The following PCDHGB3 variants were observed in gnomAD, a reference collection of about 807,000 sequenced individuals.
PCDHGB3 encodes protocadherin gamma subfamily B, 3.
A neutral mutation model predicts 59.2 loss-of-function variants in PCDHGB3; 40 were observed. The ratio of observed to expected loss-of-function variants is 0.68; its 90% confidence interval spans 0.52 to 0.88. The LOEUF (loss-of-function observed/expected upper bound fraction) is 0.88. Ranked by LOEUF, PCDHGB3 falls within the 40% of genes least tolerant of loss-of-function variation. The pLI, the probability that PCDHGB3 is intolerant of heterozygous loss-of-function variation, is 0.00. For synonymous variants in PCDHGB3, 581 were observed against 503.6 expected, an observed-to-expected ratio of 1.15 and a Z score of -2.06; for missense variants, 1,309 against 1,187.9, an observed-to-expected ratio of 1.10 and a Z score of -1.50.
intron 1 of PCDHGB3, chr5:141,400,541 T>C: frequency 6.2e-7 from 1 of 1,613,832 alleles, no homozygotes; most frequent in Admixed American, 1.7e-5. Flanking sequence ...TTCATTTATG[T>C]CTATTCTTTT....
Position 141,477,383 on chromosome 5 carries a change from T to A in PCDHGB3, c.2416-17424T>A. 6.2e-7 allele frequency: 1 copy of A among 1,614,102 alleles called. No homozygotes were observed. Among genetic ancestry groups the A allele is most frequent in the Non-Finnish European group, 8.5e-7 (1 of 1,180,006 alleles). On this transcript the variant is annotated intron_variant, in intron 1 of 3. Transcript: ENST00000576222. This position sits in a 1 kb window ranked among gnomAD's most constrained non-coding sequence, Gnocchi z 4.9. Reference sequence around the variant, plus strand: ...CCTGGATCGGGAGACTGTGCCAGAATACAACCTCAGCATCACCGCCCGAGA... The same window carrying A: ...CCTGGATCGGGAGACTGTGCCAGAAAACAACCTCAGCATCACCGCCCGAGA...
At chr5:141,384,214 T>A in intron 1 of PCDHGB3, 1 of 1,613,874 alleles carries the variant, frequency 6.2e-7, no homozygotes, top group Non-Finnish European at 8.5e-7. Flanking sequence ...AACTCACATA[T>A]TCATGCAGGT....
rs1437533706 is a variant in PCDHGB3, at chr5:141,511,419, G to C, written c.*246G>C. On this transcript the variant is annotated 3_prime_UTR_variant, in exon 4 of 4. Transcript: ENST00000576222. ...ATCCAATCAACTGCTGTACCCATGG[G>C]GGTAGTGGGGTTACTGTAGACACCA... The C allele has an allele frequency of 2.4e-6, 2 of 830,456 alleles. No individual in the cohort carries two copies. The highest frequency in any genetic ancestry group is 5.8e-5 in the East Asian group (2 of 34,260). 51.4% of individuals were successfully genotyped at this position (830,456 alleles called of 1,614,324 possible).
intron 1 of PCDHGB3, among the ~76,000 whole-genome samples, chr5:141,470,729 G>T (rs1253040487): frequency 6.6e-6 from 1 of 152,102 alleles, no homozygotes; most frequent in Non-Finnish European, 1.5e-5. Context: ...TCAGGGTCTT[G>T]CTCTGTCGCC....
intron 1 of PCDHGB3, chr5:141,478,700 C>A: frequency 1.3e-6 from 2 of 1,549,172 alleles, no homozygotes; most frequent in Non-Finnish European, 1.7e-6. Flanking sequence ...AAAGTTAGTG[C>A]CTTTGTGAGA....
intron 1 of PCDHGB3, chr5:141,419,504 C>T (rs577411043): frequency 4.7e-5 from 75 of 1,612,298 alleles, no homozygotes; most frequent in South Asian, 2.7e-4. Flanking sequence ...TGTGAGCCTG[C>T]GCGTGTTGGT....
chr5:141,453,545 A>T (rs2098768582), intron 1 of PCDHGB3, among the ~76,000 whole-genome samples: 1 of 151,998 alleles, frequency 6.6e-6, no homozygotes, highest in African/African-American at 2.4e-5. Flanking sequence ...TTCACACCAC[A>T]CTCTGTAGAT....
Position 141,394,702 on chromosome 5 carries a change from G to A in PCDHGB3, c.2415+21893G>A, listed in dbSNP as rs1246576971. On this transcript the variant is annotated intron_variant, in intron 1 of 3. Coordinates refer to ENST00000576222, the MANE Select transcript of PCDHGB3 (RefSeq NM_018924.5). Reference sequence around the variant, plus strand: ...CACACGGGCGAGGTGCGCACGGCGCGAGCCCTGCTGGACAGAGATGCGCTC... The same window carrying A: ...CACACGGGCGAGGTGCGCACGGCGCAAGCCCTGCTGGACAGAGATGCGCTC... 1.9e-5 allele frequency: 31 copies of A among 1,613,178 alleles called. No homozygotes were observed. Among genetic ancestry groups the A allele is most frequent in the Non-Finnish European group, 2.5e-5 (29 of 1,179,882 alleles).
At chr5:141,436,104 G>A (rs368559994) in intron 1 of PCDHGB3, among the ~76,000 whole-genome samples, 10 of 152,086 alleles carry the variant, frequency 6.6e-5, no homozygotes, top group East Asian at 3.9e-4. Flanking sequence ...AGAAATAGAG[G>A]ACAATGAAAC....
chr5:141,407,371 T>C (rs2094921499), intron 1 of PCDHGB3, among the ~76,000 whole-genome samples: 1 of 152,222 alleles, frequency 6.6e-6, no homozygotes, highest in South Asian at 2.1e-4. Context: ...CAGATATCCA[T>C]GAAGGCTTGT....
At chr5:141,456,821 A>G (rs1432134342) in intron 1 of PCDHGB3, among the ~76,000 whole-genome samples, 2 of 151,744 alleles carry the variant, frequency 1.3e-5, no homozygotes, top group Admixed American at 6.6e-5. Context: ...AAAATTAGCC[A>G]TCGTGGTAGT....
chr5:141,458,367 G>A (rs1297876142), intron 1 of PCDHGB3, among the ~76,000 whole-genome samples: 2 of 152,130 alleles, frequency 1.3e-5, no homozygotes, highest in African/African-American at 2.4e-5. Context: ...AGAAGGAAGG[G>A]AGAAGAGAGA....
chr5:141,500,173 T>G (rs1666567886), intron 2 of PCDHGB3, among the ~76,000 whole-genome samples: 1 of 149,340 alleles, frequency 6.7e-6, no homozygotes, highest in East Asian at 1.9e-4. Context: ...ATGCATGAGC[T>G]TCATTTTTAT....
chr5:141,467,907 C>A (rs1166486426), intron 1 of PCDHGB3, among the ~76,000 whole-genome samples: 1 of 152,156 alleles, frequency 6.6e-6, no homozygotes, highest in Non-Finnish European at 1.5e-5. Flanking sequence ...AATCCGCCCA[C>A]CTCAGCCTCC....
At chr5:141,399,372 T>C (rs1333971188) in intron 1 of PCDHGB3, 8 of 1,613,970 alleles carry the variant, frequency 5.0e-6, no homozygotes, top group Non-Finnish European at 6.8e-6. Flanking sequence ...CGGAGTACAA[T>C]GTCACCATCA....
At chr5:141,403,144 C>A in intron 1 of PCDHGB3, 10 of 1,614,042 alleles carry the variant, frequency 6.2e-6, no homozygotes, top group Non-Finnish European at 8.5e-6. Flanking sequence ...AGCGCCGAGT[C>A]CGCATCGTCT....
In PCDHGB3 at chr5:141,512,848, G is replaced by C. The variant is rs1362051688; in HGVS notation, c.*1675G>C. The C allele has an allele frequency of 6.6e-6, 1 of 152,216 alleles. No individual in the cohort carries two copies. 9.4% of individuals were successfully genotyped at this position (152,216 alleles called of 1,614,324 possible). ...CCCCGTACTGACTTCTCCTATAAGC[G>C]CTTCTCTTCGCATAGTCACGTAGCT... On this transcript the variant is annotated 3_prime_UTR_variant, in exon 4 of 4. Transcript: ENST00000576222.
chr5:141,407,847 T>C (rs1236964962), intron 1 of PCDHGB3, among the ~76,000 whole-genome samples: 2 of 152,224 alleles, frequency 1.3e-5, no homozygotes, highest in African/African-American at 4.8e-5. Context: ...TTGAGGGGGA[T>C]GTACACCTGC....
Position 141,372,344 on chromosome 5 carries a change from A to G in PCDHGB3, c.1950A>G (p.Gly650=). Residue 650 remains glycine (G), a synonymous_variant, in exon 1 of 4, where the codon GGA becomes GGG. Coordinates refer to ENST00000576222, the MANE Select transcript of PCDHGB3 (RefSeq NM_018924.5). The part of the protein sequence containing the change: ...QRLLVTVRDG[G]QQPLSATVML... The stretch of plus-strand genomic sequence containing the variant: ...TGCTGGTCACTGTGCGTGATGGAGG[A>G]CAGCAGCCTCTTTCAGCCACCGTCA... The G allele has an allele frequency of 6.2e-7, 1 of 1,613,770 alleles. No homozygotes were observed. The highest frequency in any genetic ancestry group is 8.5e-7 in the Non-Finnish European group (1 of 1,179,896).
Sources: gnomAD v4.1 joint callset for allele counts (sites outside exome capture counted in the v4.1 genomes callset) on GRCh38, gnomAD v4.1.1 for gene constraint, Gnocchi (gnomAD v3.1) non-coding constraint, MANE v1.5 for transcripts, NCBI Gene and HGNC (gene_info 2026-07-23, HGNC 2026-07-21) for gene names.